Variants in TNFAIP8L3 observed in about 807,000 individuals in gnomAD.
TNFAIP8L3 encodes the protein tumor necrosis factor alpha-induced protein 8-like protein 3.
A neutral mutation model predicts 11.8 loss-of-function variants in TNFAIP8L3; 7 were observed. That is an observed-to-expected ratio of 0.59 (90% CI 0.34 to 1.11). TNFAIP8L3 has a LOEUF of 1.11. TNFAIP8L3 is among the 50% of genes most tolerant of loss of function. The pLI, the probability that TNFAIP8L3 is intolerant of heterozygous loss-of-function variation, is 0.03. For missense variants in TNFAIP8L3, 219 were observed against 258.6 expected, an observed-to-expected ratio of 0.85 and a Z score of 1.05; for synonymous variants, 98 against 103.8, an observed-to-expected ratio of 0.94 and a Z score of 0.34.
intron 1 of TNFAIP8L3, among the ~76,000 whole-genome samples, chr15:51,079,134 C>A (rs1229186568): frequency 1.3e-5 from 2 of 152,230 alleles, no homozygotes; most frequent in East Asian, 1.9e-4. Context: ...CCTAAGCTCC[C>A]AGCTCCAGGC....
At chr15:51,084,440 C>T (rs956397622) in intron 1 of TNFAIP8L3, among the ~76,000 whole-genome samples, 1 of 152,078 alleles carries the variant, frequency 6.6e-6, no homozygotes, top group Non-Finnish European at 1.5e-5. Flanking sequence ...CTGCCCCCGC[C>T]CTGGCCAGTT....
chr15:51,088,100 T>G (rs1344313779), intron 1 of TNFAIP8L3, among the ~76,000 whole-genome samples: 1 of 150,880 alleles, frequency 6.6e-6, no homozygotes, highest in African/African-American at 2.4e-5. Flanking sequence ...ACATAAAGAG[T>G]TGGAAGCCAA....
At chr15:51,092,160 G>C (rs2065476028) in intron 1 of TNFAIP8L3, among the ~76,000 whole-genome samples, 1 of 152,160 alleles carries the variant, frequency 6.6e-6, no homozygotes, top group Non-Finnish European at 1.5e-5. Context: ...TCAGGAAATG[G>C]AAAGGCATGG....
intron 1 of TNFAIP8L3, among the ~76,000 whole-genome samples, chr15:51,072,744 A>G (rs1261684288): frequency 6.6e-6 from 1 of 151,954 alleles, no homozygotes; most frequent in Admixed American, 6.6e-5. Context: ...TCTATATTGC[A>G]TAGATCTGTT....
Position 51,068,660 on chromosome 15 carries a change from G to GTTT in TNFAIP8L3, c.53-10220_53-10218dup, listed in dbSNP as rs113982459. Among the ~76,000 whole-genome samples the GTTT allele has an allele frequency of 4.8e-4, 56 of 116,370 alleles. 1 individual carries two copies. Among genetic ancestry groups the GTTT allele is most frequent in the Non-Finnish European group, 6.0e-4 (34 of 56,984 alleles). The allele number at this position is 116,370 out of a possible 152,430, so 76.3% of individuals were successfully genotyped here. A position where few individuals can be genotyped will look rare whatever the true frequency, so the allele number is the denominator to read the frequency against. On this transcript the variant is annotated intron_variant, in intron 1 of 1. Coordinates refer to ENST00000637513, the MANE Select transcript of TNFAIP8L3 (RefSeq NM_001311175.2). ...CGTCCACCATCAAACCACCCCTCCT[G>GTTT]TTTTTTTTTTTTTTTTTTTTTTGCA...
At chr15:51,060,541 C>T (rs1292084671) in intron 1 of TNFAIP8L3, among the ~76,000 whole-genome samples, 1 of 152,216 alleles carries the variant, frequency 6.6e-6, no homozygotes, top group African/African-American at 2.4e-5. Flanking sequence ...ACAGAAGCAG[C>T]AGGTCAACTA....
At chr15:51,097,854 T>TGGG (rs35638055), upstream of TNFAIP8L3, among the ~76,000 whole-genome samples, 344 of 151,136 alleles carry the variant, frequency 2.3e-3, no homozygotes, top group African/African-American at 7.8e-3. Flanking sequence ...ATATTTCTTG[T>TGGG]GGGGGGGGAA....
upstream of TNFAIP8L3, among the ~76,000 whole-genome samples, chr15:51,095,142 G>A (rs1595621072): frequency 6.6e-6 from 1 of 151,084 alleles, no homozygotes; most frequent in African/African-American, 2.4e-5. Flanking sequence ...GGTTGCCAGG[G>A]TTCGAGTCCA....
intron 1 of TNFAIP8L3, among the ~76,000 whole-genome samples, chr15:51,069,969 T>C (rs1215149833): frequency 6.6e-6 from 1 of 152,008 alleles, no homozygotes; most frequent in Non-Finnish European, 1.5e-5. Flanking sequence ...CCTAGGGGAG[T>C]TGTATTTCAT....
At chr15:51,103,266 G>A (rs920816786) in intron 1 of TNFAIP8L3, among the ~76,000 whole-genome samples, 3 of 152,210 alleles carry the variant, frequency 2.0e-5, no homozygotes, top group Non-Finnish European at 2.9e-5. Context: ...ATAAGTTAAT[G>A]TTATCCCTTA....
chr15:51,086,469 C>A (rs777449688), intron 1 of TNFAIP8L3, among the ~76,000 whole-genome samples: 1 of 152,196 alleles, frequency 6.6e-6, no homozygotes, highest in Non-Finnish European at 1.5e-5. Context: ...ACAGAGGGAG[C>A]CTAAGGGTTA....
At chr15:51,103,161 C>G (rs759267831) in intron 1 of TNFAIP8L3, among the ~76,000 whole-genome samples, 50 of 152,330 alleles carry the variant, frequency 3.3e-4, no homozygotes, top group Non-Finnish European at 5.6e-4. Flanking sequence ...CTTCGGTGTT[C>G]AAAGCAATCT....
intron 1 of TNFAIP8L3, among the ~76,000 whole-genome samples, chr15:51,059,957 C>T (rs1384024750): frequency 6.6e-6 from 1 of 152,264 alleles, no homozygotes; most frequent in African/African-American, 2.4e-5. Flanking sequence ...AGCTCTCTTC[C>T]AAAGTCTGAG....
At chr15:51,072,789 C>G (rs992201606) in intron 1 of TNFAIP8L3, among the ~76,000 whole-genome samples, 1 of 151,894 alleles carries the variant, frequency 6.6e-6, no homozygotes, top group Non-Finnish European at 1.5e-5. Context: ...AGACTCTGGT[C>G]TATTTCAGTA....
intron 1 of TNFAIP8L3, among the ~76,000 whole-genome samples, chr15:51,072,235 G>A (rs1010169352): frequency 6.6e-6 from 1 of 152,108 alleles, no homozygotes; most frequent in African/African-American, 2.4e-5. Flanking sequence ...CTGCCTCCTG[G>A]TTTCAAGCAA....
Position 51,058,099 on chromosome 15 carries a change from C to T in TNFAIP8L3, c.397G>A (p.Val133Met), listed in dbSNP as rs1262239252. 1.1e-5 allele frequency: 17 copies of T among 1,613,948 alleles called. No homozygotes were observed. The highest frequency in any genetic ancestry group is 4.5e-5 in the East Asian group (2 of 44,890). Reference protein sequence around the residue: ...YEVEYTFDRNVLSNLLHECKD... With the variant: ...YEVEYTFDRNMLSNLLHECKD... ...CACTCATGCAGGAGATTGGAGAGCACGTTCCTATCGAAGGTGTATTCCACC... is the reference window on the plus strand; with the variant it reads ...CACTCATGCAGGAGATTGGAGAGCATGTTCCTATCGAAGGTGTATTCCACC... The change falls in exon 2 of 2, where the codon GTG (valine) becomes ATG (methionine). Residue 133 changes from valine to methionine, a missense_variant. Coordinates refer to ENST00000637513, the MANE Select transcript of TNFAIP8L3 (RefSeq NM_001311175.2).
At chr15:51,080,984 A>G (rs1595614231) in intron 1 of TNFAIP8L3, among the ~76,000 whole-genome samples, 1 of 152,242 alleles carries the variant, frequency 6.6e-6, no homozygotes, top group Non-Finnish European at 1.5e-5. Flanking sequence ...ATTGTTGTCT[A>G]AAGTTCAGTG....
chr15:51,073,171 T>A (rs547539477), intron 1 of TNFAIP8L3, among the ~76,000 whole-genome samples: 1 of 152,144 alleles, frequency 6.6e-6, no homozygotes, highest in East Asian at 1.9e-4. Context: ...TAATTTTGTA[T>A]TTTTAGTAGA....
intron 1 of TNFAIP8L3, among the ~76,000 whole-genome samples, chr15:51,100,039 A>C (rs1165323929): frequency 6.6e-6 from 1 of 152,254 alleles, no homozygotes; most frequent in African/African-American, 2.4e-5. Flanking sequence ...AGCAGCCAAC[A>C]TGGGTTCCTT....
Sources: allele counts gnomAD v4.1 joint callset (sites outside exome capture counted in the v4.1 genomes callset), GRCh38; gene constraint gnomAD v4.1.1; transcripts MANE v1.5; gene names NCBI Gene and HGNC (gene_info 2026-07-23, HGNC 2026-07-21).